ST8SIA5: variants seen among roughly 807,000 people sequenced by gnomAD.
ST8SIA5 encodes alpha-2,8-sialyltransferase 8E.
Under a neutral mutation model 40.2 loss-of-function variants are expected in ST8SIA5, and 24 were observed. The observed-to-expected ratio is 0.60, with a 90% CI of 0.43 to 0.84. The LOEUF (loss-of-function observed/expected upper bound fraction) is 0.84. Among genes scored for constraint, ST8SIA5 ranks in the 40% least tolerant of loss-of-function variants. The pLI, the probability that ST8SIA5 is intolerant of heterozygous loss-of-function variation, is 0.00. For missense variants in ST8SIA5, 465 were observed against 498.5 expected (o/e 0.93, Z 0.64); for synonymous variants, 198 against 201.8 (o/e 0.98, Z 0.16).
At chr18:46,714,459 G>C (rs114875874) in intron 1 of ST8SIA5, among the ~76,000 whole-genome samples, 86 of 152,340 alleles carry the variant, frequency 5.6e-4, no homozygotes, top group African/African-American at 2.0e-3. Context: ...GGAGAAGAGG[G>C]AGAATGGGTA....
intron 1 of ST8SIA5, chr18:46,721,237 G>A (rs1030399100): frequency 3.7e-6 from 3 of 804,342 alleles, no homozygotes; most frequent in Non-Finnish European, 5.9e-6. Flanking sequence ...AAAGTGCAGG[G>A]AGTTTCGAGC....
chr18:46,730,287 T>C lies in ST8SIA5; in HGVS notation c.132-25623A>G, dbSNP rs181846064. On this transcript the variant is annotated intron_variant, in intron 1 of 6. Coordinates refer to ENST00000315087, the MANE Select transcript of ST8SIA5 (RefSeq NM_013305.6). ...TTCACTAGCAGTGTGACTCTCAGCA[T>C]TGAACCTCTTGAAGTCTCAGTTTTC... is the stretch of plus-strand genomic sequence containing the variant. The C allele has an allele frequency of 5.1e-6, 5 of 980,138 alleles. 1 individual carries two copies. Among genetic ancestry groups the C allele is most frequent in the Admixed American group, 1.2e-4 (2 of 16,280 alleles). 60.7% of individuals were successfully genotyped at this position (980,138 alleles called of 1,614,324 possible). A position where few individuals can be genotyped will look rare whatever the true frequency, so the allele number is the denominator to read the frequency against.
intron 1 of ST8SIA5, among the ~76,000 whole-genome samples, chr18:46,734,229 G>A (rs1033806266): frequency 2.0e-5 from 3 of 152,164 alleles, no homozygotes; most frequent in African/African-American, 7.2e-5. Context: ...ACTTTCCTAC[G>A]AAGCTCCAGA....
Position 46,756,686 on chromosome 18 carries a change from G to T in ST8SIA5, c.-178C>A, listed in dbSNP as rs527689087. 1,038 of 697,024 alleles carry T rather than the reference G, an allele frequency of 1.5e-3. 9 individuals are homozygous for T. In the African/African-American group the frequency reaches 0.017, roughly 12 times the overall value. 43.2% of individuals were successfully genotyped at this position (697,024 alleles called of 1,614,324 possible). On this transcript the variant is annotated 5_prime_UTR_variant, in exon 1 of 7. Coordinates refer to ENST00000315087, the MANE Select transcript of ST8SIA5 (RefSeq NM_013305.6). ...CGGCCGGAGCTGGGGGCATCCAAGC[G>T]TCGCAGGCGCTGGGGCGGCAAGCAG...
chr18:46,720,229 C>T (rs576895152), intron 1 of ST8SIA5, among the ~76,000 whole-genome samples: 2 of 152,298 alleles, frequency 1.3e-5, no homozygotes, highest in African/African-American at 4.8e-5. Context: ...CTAGACTGCT[C>T]ACCACCTGGG....
At chr18:46,732,416 T>C (rs914997215) in intron 1 of ST8SIA5, among the ~76,000 whole-genome samples, 2 of 152,184 alleles carry the variant, frequency 1.3e-5, no homozygotes, top group Admixed American at 6.5e-5. Context: ...CCAGCACACA[T>C]TGGGGTCTTC....
At chr18:46,683,283 A>C (rs1186239704) in intron 5 of ST8SIA5, among the ~76,000 whole-genome samples, 2 of 152,160 alleles carry the variant, frequency 1.3e-5, no homozygotes, top group Admixed American at 1.3e-4. Flanking sequence ...ACAAATATTC[A>C]TTTTATTGTT....
chr18:46,686,049 T>C, intron 5 of ST8SIA5, 125 bp downstream of exon 5: 1 of 868,260 alleles, frequency 1.2e-6, no homozygotes, highest in Non-Finnish European at 1.9e-6. Flanking sequence ...ATCCCAGACC[T>C]GAGGGTCTGC....
At chr18:46,732,028 C>CAA (rs2039989479) in intron 1 of ST8SIA5, among the ~76,000 whole-genome samples, 1 of 152,162 alleles carries the variant, frequency 6.6e-6, no homozygotes, top group Non-Finnish European at 1.5e-5. Flanking sequence ...GGAAGACAGG[C>CAA]CTCGGGTTGC....
At chr18:46,697,060 A>G (rs1171943349) in intron 2 of ST8SIA5, among the ~76,000 whole-genome samples, 1 of 151,260 alleles carries the variant, frequency 6.6e-6, no homozygotes, top group African/African-American at 2.4e-5. Flanking sequence ...AAACCATGGC[A>G]GCCAAATGCT....
intron 2 of ST8SIA5, 28 bp downstream of exon 2, chr18:46,704,544 T>C: frequency 8.2e-7 from 1 of 1,216,380 alleles, no homozygotes; most frequent in Non-Finnish European, 1.2e-6. Context: ...ACATGCTCCC[T>C]GCACCCACCA....
intron 1 of ST8SIA5, among the ~76,000 whole-genome samples, chr18:46,752,136 C>T (rs536643016): frequency 3.3e-5 from 5 of 152,300 alleles, no homozygotes; most frequent in Admixed American, 6.5e-5. Context: ...TGCTCAAACT[C>T]GGTTTCATCC....
chr18:46,721,767 T>C (rs2039866325), intron 1 of ST8SIA5, among the ~76,000 whole-genome samples: 1 of 152,230 alleles, frequency 6.6e-6, no homozygotes, highest in South Asian at 2.1e-4. Flanking sequence ...AGAGCTCTTC[T>C]ACCTCCTATA....
chr18:46,754,970 G>C (rs1294048348), intron 1 of ST8SIA5, among the ~76,000 whole-genome samples: 1 of 152,184 alleles, frequency 6.6e-6, no homozygotes, highest in East Asian at 1.9e-4. Context: ...AAAACAAGAG[G>C]CAGGCCCAAT....
rs559477917 is a variant in ST8SIA5 at position 46,713,456 on chromosome 18, C to G, written c.132-8792G>C. ...CAGTCAGATGCACATGGCTGAGGCC[C>G]AGTGGTCAGGGCTGGGGATGCACAT... On this transcript the variant is annotated intron_variant, in intron 1 of 6. Transcript: ENST00000315087. 7.9e-5 allele frequency among the ~76,000 whole-genome samples: 12 copies of G among 152,220 alleles called. No individual in the cohort carries two copies. In the South Asian group the frequency reaches 2.5e-3, roughly 32 times the overall value.
chr18:46,681,751 AC>A (rs1231997167), intron 6 of ST8SIA5, among the ~76,000 whole-genome samples: 3 of 152,242 alleles, frequency 2.0e-5, no homozygotes, highest in African/African-American at 7.2e-5. Context: ...ATTTTCTTTA[AC>A]CCACTATTTC....
At chr18:46,734,414 C>T (rs550696481) in intron 1 of ST8SIA5, among the ~76,000 whole-genome samples, 16 of 151,516 alleles carry the variant, frequency 1.1e-4, no homozygotes, top group Non-Finnish European at 2.1e-4. Flanking sequence ...CCCACCCCTG[C>T]TCTCCACCCT....
At chr18:46,680,992 G>A (rs2039389318) in intron 6 of ST8SIA5, among the ~76,000 whole-genome samples, 1 of 142,632 alleles carries the variant, frequency 7.0e-6, no homozygotes, top group South Asian at 2.3e-4. Flanking sequence ...TATTTTTAGA[G>A]ACACGGTCTT....
chr18:46,749,552 TCTTCAGA>T (rs1029554298), intron 1 of ST8SIA5, among the ~76,000 whole-genome samples: 2 of 152,186 alleles, frequency 1.3e-5, no homozygotes, highest in African/African-American at 4.8e-5. Flanking sequence ...CCCCAGATAA[TCTTCAGA>T]TAAACTATTA....
Sources: gnomAD v4.1 joint callset for allele counts (sites outside exome capture counted in the v4.1 genomes callset) on GRCh38, gnomAD v4.1.1 for gene constraint, MANE v1.5 for transcripts, NCBI Gene and HGNC (gene_info 2026-07-23, HGNC 2026-07-21) for gene names.